Variants in WWC1 observed in about 807,000 individuals in gnomAD.
WWC1 encodes WW and C2 domain containing 1, also known as protein KIBRA.
A neutral mutation model predicts 138.4 loss-of-function variants in WWC1; 55 were observed. That is an observed-to-expected ratio of 0.40 (90% confidence interval 0.32 to 0.50). The LOEUF is 0.50. WWC1 is among the 20% of genes least tolerant of loss of function. The pLI is 0.72. For synonymous variants in WWC1, 524 were observed against 564.9 expected, an observed-to-expected ratio of 0.93 and a Z score of 1.03; for missense variants, 1,226 against 1,420.4, an observed-to-expected ratio of 0.86 and a Z score of 2.20.
chr5:168,397,558 C>T (rs961372930), intron 3 of WWC1, among the ~76,000 whole-genome samples, 166 bp from the exon 4 acceptor site: 3 of 152,114 alleles, frequency 2.0e-5, no homozygotes, highest in African/African-American at 4.8e-5. Flanking sequence ...GCGTAGTCCC[C>T]GTTTGCGCGT....
intron 1 of WWC1, among the ~76,000 whole-genome samples, chr5:168,326,294 C>T (rs1772541327): frequency 6.7e-6 from 1 of 149,976 alleles, no homozygotes; most frequent in Non-Finnish European, 1.5e-5. Context: ...CTCGGCTCAC[C>T]GCAACCTCCG....
chr5:168,423,732 T>G lies in WWC1; in HGVS notation c.1474T>G (p.Phe492Val). Residue 492 changes from phenylalanine to valine, a missense_variant, in exon 11 of 23, where the codon TTC (phenylalanine) becomes GTC (valine). Phe to Val is a conservative substitution (Grantham distance 50). Coordinates refer to ENST00000265293, the MANE Select transcript of WWC1 (RefSeq NM_015238.3). ...EFLLLEGATG[F>V]RPSGCITTIH... is the part of the protein sequence containing the mutation. ...CCTGCTCCTGGAGGGGGCCACCGGC[T>G]TCCGGCCCTCAGGCTGCATCACCAC... 6.2e-7 allele frequency: 1 copy of G among 1,614,028 alleles called. No individual in the cohort carries two copies. Among genetic ancestry groups the G allele is most frequent in the Non-Finnish European group, 8.5e-7 (1 of 1,179,904 alleles).
At chr5:168,385,446 G>A (rs992045157) in intron 3 of WWC1, 32 bp downstream of exon 3, 46 of 1,601,776 alleles carry the variant, frequency 2.9e-5, no homozygotes, top group African/African-American at 5.4e-5. Flanking sequence ...CACCCCCACC[G>A]ACACCAACAG....
At chr5:168,356,174 G>T (rs565321884) in intron 1 of WWC1, among the ~76,000 whole-genome samples, 2 of 152,232 alleles carry the variant, frequency 1.3e-5, no homozygotes, top group Non-Finnish European at 2.9e-5. Flanking sequence ...GAATCCTGCC[G>T]CATGATTTCT....
chr5:168,467,638 C>T (rs1309776210), intron 21 of WWC1: 13 of 706,860 alleles, frequency 1.8e-5, no homozygotes, highest in East Asian at 2.9e-5. Context: ...ACAGTTATTC[C>T]GTTTCCTGGC....
At chr5:168,312,844 C>T (rs1290985113) in intron 1 of WWC1, among the ~76,000 whole-genome samples, 2 of 133,254 alleles carry the variant, frequency 1.5e-5, no homozygotes, top group South Asian at 2.4e-4. Context: ...TTTTTAGAGT[C>T]TAGCTCTGTT....
chr5:168,455,622 C>T (rs573957781), intron 19 of WWC1, 102 bp downstream of exon 19: 15 of 1,468,912 alleles, frequency 1.0e-5, no homozygotes, highest in East Asian at 7.4e-5. Context: ...TGGGTGACTT[C>T]GGGTATGTTA....
intron 8 of WWC1, 56 bp from the exon 9 acceptor site, chr5:168,414,292 C>T: frequency 6.3e-7 from 1 of 1,590,084 alleles, no homozygotes; most frequent in Admixed American, 1.7e-5. Flanking sequence ...CATGGCATCT[C>T]CTGTTCCCTC....
intron 1 of WWC1, among the ~76,000 whole-genome samples, chr5:168,363,602 A>C (rs1402194290): frequency 6.6e-6 from 1 of 151,592 alleles, no homozygotes; most frequent in East Asian, 1.9e-4. Flanking sequence ...AATACAGTGC[A>C]AGGTTTATTA....
At chr5:168,359,068 G>A (rs963906295) in intron 1 of WWC1, among the ~76,000 whole-genome samples, 1 of 139,252 alleles carries the variant, frequency 7.2e-6, no homozygotes, top group African/African-American at 2.6e-5. Flanking sequence ...GTGTGTGTGT[G>A]TGTTCGAGAC....
At chr5:168,355,020 G>C (rs1775284034) in intron 1 of WWC1, among the ~76,000 whole-genome samples, 1 of 152,160 alleles carries the variant, frequency 6.6e-6, no homozygotes, top group Non-Finnish European at 1.5e-5. Flanking sequence ...AGATATTAGG[G>C]AGCCTCAACT....
chr5:168,339,837 T>TTTCTTTCTTTC (rs1561630184), intron 1 of WWC1, among the ~76,000 whole-genome samples: 2 of 119,108 alleles, frequency 1.7e-5, no homozygotes, highest in African/African-American at 4.8e-5. Flanking sequence ...TTTCTTTTTC[T>TTTCTTTCTTTC]TTTCTTTCTT....
At chr5:168,294,950 A>G (rs544626404) in intron 1 of WWC1, among the ~76,000 whole-genome samples, 2 of 152,128 alleles carry the variant, frequency 1.3e-5, no homozygotes, top group East Asian at 3.9e-4. Flanking sequence ...TATAAACTTC[A>G]TCTCTGTACC....
chr5:168,308,854 T>A (rs894910413), intron 1 of WWC1, among the ~76,000 whole-genome samples: 1 of 152,182 alleles, frequency 6.6e-6, no homozygotes, highest in Non-Finnish European at 1.5e-5. Context: ...AATCTCTTCC[T>A]TTCTTCAGTC....
At chr5:168,436,792 G>T (rs779303992) in intron 15 of WWC1, among the ~76,000 whole-genome samples, 10 of 152,028 alleles carry the variant, frequency 6.6e-5, no homozygotes, top group Non-Finnish European at 1.0e-4. Flanking sequence ...CCAAGCCACT[G>T]TCTTCCCTTA....
chr5:168,390,357 C>A (rs1413811522), intron 3 of WWC1, among the ~76,000 whole-genome samples: 1 of 152,100 alleles, frequency 6.6e-6, no homozygotes, highest in Non-Finnish European at 1.5e-5. Context: ...AATACATGAT[C>A]AAAGGAAGGA....
At chr5:168,335,301 G>A (rs1256981669) in intron 1 of WWC1, among the ~76,000 whole-genome samples, 2 of 152,186 alleles carry the variant, frequency 1.3e-5, no homozygotes, top group Non-Finnish European at 2.9e-5. Context: ...CTAATGAGGT[G>A]TCACAGAAGA....
At chr5:168,466,618 T>C (rs867866677) in intron 21 of WWC1, among the ~76,000 whole-genome samples, 40 of 152,372 alleles carry the variant, frequency 2.6e-4, no homozygotes, top group African/African-American at 8.4e-4. Context: ...AGTTTATTTC[T>C]TTCTTATTTA....
At chr5:168,452,730 A>G (rs917779111) in intron 17 of WWC1, among the ~76,000 whole-genome samples, 1 of 151,828 alleles carries the variant, frequency 6.6e-6, no homozygotes, top group Non-Finnish European at 1.5e-5. Flanking sequence ...AAGTAATCCA[A>G]ATGTTCATCA....
Sources: allele counts gnomAD v4.1 joint callset (sites outside exome capture counted in the v4.1 genomes callset), GRCh38; gene constraint gnomAD v4.1.1; transcripts MANE v1.5; gene names NCBI Gene and HGNC (gene_info 2026-07-23, HGNC 2026-07-21).